Variants in FUT8 observed in about 807,000 individuals in gnomAD.
FUT8 encodes the protein alpha-(1,6)-fucosyltransferase.
Under a neutral mutation model 71.3 loss-of-function variants are expected in FUT8, and 29 were observed. The observed-to-expected ratio is 0.41, with a 90% confidence interval of 0.30 to 0.55. The LOEUF is 0.55. Ranked by LOEUF, FUT8 falls within the 20% of genes least tolerant of loss-of-function variation. FUT8 has a pLI of 0.34. For synonymous variants in FUT8, 254 were observed against 239.3 expected (o/e 1.06, Z -0.57); for missense variants, 544 against 702.1 (o/e 0.77, Z 2.55).
At chr14:65,478,281 A>T (rs971476082) in intron 2 of FUT8, among the ~76,000 whole-genome samples, 1 of 152,120 alleles carries the variant, frequency 6.6e-6, no homozygotes, top group African/African-American at 2.4e-5. Flanking sequence ...CATGGATAGT[A>T]CTGAACCCTA....
At chr14:65,640,785 C>T (rs1461706668) in intron 6 of FUT8, among the ~76,000 whole-genome samples, 1 of 152,064 alleles carries the variant, frequency 6.6e-6, no homozygotes, top group African/African-American at 2.4e-5. Context: ...GTGCTATACT[C>T]CAGAGCCTGG....
the FUT8 span, among the ~76,000 whole-genome samples, chr14:65,388,947 T>TATATAAATGAATATGTTAAA: frequency 1.3e-5 from 2 of 151,620 alleles, no homozygotes; most frequent in Non-Finnish European, 2.9e-5. Context: ...ACATTTTATA[T>TATATAAATGAATATGTTAAA]ATATAAATGA....
intron 1 of FUT8, among the ~76,000 whole-genome samples, chr14:65,445,546 A>G (rs2065726385): frequency 6.6e-6 from 1 of 152,164 alleles, no homozygotes; most frequent in Non-Finnish European, 1.5e-5. Flanking sequence ...ATGGATATAC[A>G]TGTGTTGAAA....
At chr14:65,629,350 C>G (rs1378113794) in intron 5 of FUT8, 142 bp from the exon 6 acceptor site, 1 of 517,420 alleles carries the variant, frequency 1.9e-6, no homozygotes, top group Admixed American at 3.5e-5. Context: ...ATTGCACAAC[C>G]TTGATAGAAA....
At chr14:65,458,791 C>CTTTTTT (rs748466416) in intron 2 of FUT8, among the ~76,000 whole-genome samples, 1 of 135,584 alleles carries the variant, frequency 7.4e-6, no homozygotes, top group African/African-American at 2.7e-5. Context: ...TCTTTTCTTT[C>CTTTTTT]TTTTTTTTTT....
At chr14:65,686,094 AGTG>A (rs969285047) in intron 7 of FUT8, among the ~76,000 whole-genome samples, 1 of 152,196 alleles carries the variant, frequency 6.6e-6, no homozygotes, top group African/African-American at 2.4e-5. Context: ...AGAGTAGAGA[AGTG>A]GTGAACAGAG....
chr14:65,611,186 C>G lies in FUT8; in HGVS notation c.204-4792C>G, dbSNP rs968328558. On this transcript the variant is annotated intron_variant, in intron 3 of 10. Transcript: ENST00000673929. ...AAGTTGTTACATTTTAAGTGTCATA[C>G]ACACACACACACGCGCGCGCGCGCG... is the stretch of plus-strand genomic sequence containing the variant. Among the ~76,000 whole-genome samples the G allele has an allele frequency of 3.9e-4, 4 of 10,294 alleles. 1 individual carries two copies. Among genetic ancestry groups the G allele is most frequent in the Non-Finnish European group, 6.0e-4 (3 of 4,986 alleles). The allele number at this position is 10,294 out of a possible 152,430, so 6.8% of individuals were successfully genotyped here.
At chr14:65,385,792 T>C in the FUT8 span, among the ~76,000 whole-genome samples, 1 of 151,740 alleles carries the variant, frequency 6.6e-6, no homozygotes, top group African/African-American at 2.4e-5. Context: ...TCCACTCACC[T>C]CAGTCTCCCA....
intron 2 of FUT8, among the ~76,000 whole-genome samples, chr14:65,544,046 C>T (rs1884843561): frequency 6.6e-6 from 1 of 151,984 alleles, no homozygotes; most frequent in African/African-American, 2.4e-5. Context: ...TCTCTTGTAT[C>T]CTAATGTGTC....
intron 3 of FUT8, among the ~76,000 whole-genome samples, chr14:65,595,924 T>C (rs1887956652): frequency 2.0e-5 from 3 of 152,168 alleles, no homozygotes; most frequent in South Asian, 2.1e-4. Flanking sequence ...CATCCTCTTA[T>C]ATTATTTCTA....
intron 2 of FUT8, among the ~76,000 whole-genome samples, chr14:65,527,612 G>C (rs1422794186): frequency 6.6e-6 from 1 of 152,124 alleles, no homozygotes; most frequent in Non-Finnish European, 1.5e-5. Context: ...GCCTTTGGAG[G>C]GGGAGAGGCG....
At chr14:65,615,900 A>T in intron 3 of FUT8, 78 bp from the exon 4 acceptor site, 1 of 966,372 alleles carries the variant, frequency 1.0e-6, no homozygotes, top group South Asian at 1.6e-5. Context: ...TTACAGTATA[A>T]ATGTTTTAGA....
chr14:65,432,773 A>G (rs1310177018), intron 1 of FUT8, among the ~76,000 whole-genome samples: 1 of 152,206 alleles, frequency 6.6e-6, no homozygotes, highest in African/African-American at 2.4e-5. Flanking sequence ...GACAGCTTAC[A>G]AATGCCATGG....
At chr14:65,364,118 T>C in the FUT8 span, among the ~76,000 whole-genome samples, 1 of 152,204 alleles carries the variant, frequency 6.6e-6, no homozygotes, top group Non-Finnish European at 1.5e-5. Flanking sequence ...GTCTCCACAC[T>C]GACAAATGGC....
Position 65,736,648 on chromosome 14 carries a change from T to C in FUT8, c.1410+3267T>C, listed in dbSNP as rs186917781. On this transcript the variant is annotated intron_variant, in intron 10 of 10. Coordinates refer to ENST00000673929, the MANE Select transcript of FUT8 (RefSeq NM_001371533.1). ...GAAGTAAATGTGTGTGTGTTGACTTTAGTGAAATTAATCTTCAGACTTTCC... is the reference window on the plus strand; with the variant it reads ...GAAGTAAATGTGTGTGTGTTGACTTCAGTGAAATTAATCTTCAGACTTTCC... 7.8e-4 allele frequency among the ~76,000 whole-genome samples: 118 copies of C among 152,178 alleles called. 1 individual carries two copies. Among genetic ancestry groups the C allele is most frequent in the South Asian group, 5.0e-3 (24 of 4,816 alleles).
intron 2 of FUT8, among the ~76,000 whole-genome samples, chr14:65,494,643 G>A (rs1336291157): frequency 6.6e-6 from 1 of 152,016 alleles, no homozygotes; most frequent in Non-Finnish European, 1.5e-5. Flanking sequence ...TGTGCAGAAT[G>A]TGCAGGTTCG....
chr14:65,613,362 A>G (rs1026353156), intron 3 of FUT8, among the ~76,000 whole-genome samples: 5 of 152,210 alleles, frequency 3.3e-5, no homozygotes, highest in African/African-American at 1.2e-4. Flanking sequence ...TCTATTTTCA[A>G]ATTGTTTCCT....
intron 3 of FUT8, among the ~76,000 whole-genome samples, chr14:65,568,289 G>C (rs1371602364): frequency 6.6e-6 from 1 of 151,228 alleles, no homozygotes; most frequent in Non-Finnish European, 1.5e-5. Flanking sequence ...AATATTGGTT[G>C]TGTTTTCTCC....
At chr14:65,734,655 G>C (rs11847101) in intron 10 of FUT8, among the ~76,000 whole-genome samples, 15,199 of 152,108 alleles carry the variant, frequency 0.1, 955 homozygotes, top group African/African-American at 0.17. Flanking sequence ...TTGGTTCCTT[G>C]CAACTGTTTT....
Sources: allele counts gnomAD v4.1 joint callset (sites outside exome capture counted in the v4.1 genomes callset), GRCh38; gene constraint gnomAD v4.1.1; transcripts MANE v1.5; gene names NCBI Gene and HGNC (gene_info 2026-07-23, HGNC 2026-07-21).